Variants in ARID3C observed in about 807,000 individuals in gnomAD.
ARID3C encodes the protein AT-rich interactive domain-containing protein 3C.
Under a neutral mutation model 37.9 loss-of-function variants are expected in ARID3C, and 42 were observed. The ratio of observed to expected loss-of-function variants is 1.11; its 90% CI spans 0.87 to 1.43. The LOEUF is 1.43. ARID3C is among the 40% of genes most tolerant of loss of function. ARID3C has a pLI of 0.00. For missense variants in ARID3C, 581 were observed against 548.8 expected, an observed-to-expected ratio of 1.06 and a Z score of -0.59; for synonymous variants, 213 against 228.0, an observed-to-expected ratio of 0.93 and a Z score of 0.59.
chr9:34,629,254 G>T (rs1253062022), upstream of ARID3C, among the ~76,000 whole-genome samples: 1 of 152,146 alleles, frequency 6.6e-6, no homozygotes, highest in African/African-American at 2.4e-5. Flanking sequence ...GGGCTCTACC[G>T]CCACCGGACT....
intron 6 of ARID3C, 45 bp downstream of exon 7, chr9:34,621,975 T>C (rs951477531): frequency 1.3e-6 from 2 of 1,576,720 alleles, no homozygotes; most frequent in African/African-American, 2.7e-5. Context: ...CCAGCCTAAA[T>C]ACCCCTGACC....
chr9:34,623,993 G>T, exon 3 of ARID3C: 1 of 1,603,248 alleles, frequency 6.2e-7, no homozygotes. Context: ...GCGAAACAGA[G>T]CGTACAGGTC....
In ARID3C at chr9:34,625,735, C is replaced by T. The variant is rs1358496533; in HGVS notation, c.391+7G>A. 1 of 1,613,782 alleles carries T rather than the reference C, an allele frequency of 6.2e-7. No homozygotes were observed. Among genetic ancestry groups the T allele is most frequent in the Admixed American group, 1.7e-5 (1 of 59,994 alleles). On this transcript the variant is annotated splice_region_variant and intron_variant, in intron 2 of 6. Transcript: ENST00000378909. ...CCAGGGCCCTTCCCCCACATCATGC[C>T]ACTCACCCCTCTTTTGCATGAAGCT...
In ARID3C at chr9:34,625,679, G is replaced by C. The variant is rs139476775; in HGVS notation, c.391+63C>G. 8 of 1,586,184 alleles carry C rather than the reference G, an allele frequency of 5.0e-6. No individual in the cohort carries two copies. The Admixed American group carries it at 1.3e-4, about 27-fold the overall frequency. ...AGGCCTCAGCAGGGAGAACCCAACC[G>C]GGTTTCCTCAAACCTGGTAAGGGGG... On this transcript the variant is annotated intron_variant, in intron 2 of 6. Transcript: ENST00000378909.
At chr9:34,629,764 T>C (rs1388733251), upstream of ARID3C, among the ~76,000 whole-genome samples, 1 of 152,198 alleles carries the variant, frequency 6.6e-6, no homozygotes, top group African/African-American at 2.4e-5. Flanking sequence ...TTTTCTTTTT[T>C]TTCTTTTTTG....
chr9:34,623,663 G>T, exon 4 of ARID3C: 1 of 1,587,156 alleles, frequency 6.3e-7, no homozygotes, highest in Non-Finnish European at 8.6e-7. Context: ...GCTCCCCTGG[G>T]GAGCTGAGCG....
chr9:34,623,479 A>C (rs753551072), exon 4 of ARID3C: 1 of 1,539,140 alleles, frequency 6.5e-7, no homozygotes, highest in Non-Finnish European at 8.7e-7. Context: ...GGCAGGCCGG[A>C]GGTGGAACCC....
In ARID3C at chr9:34,623,730, G is replaced by A. The variant is rs776624949; in HGVS notation, c.576-16C>T. On this transcript the variant is annotated splice_polypyrimidine_tract_variant and intron_variant, in intron 3 of 6. Transcript: ENST00000378909. ...CTTCATGTACCTAGGGGCGGACAGC[G>A]GGCGGTGAGTGTATGGGAGGCTGCA... 10 of 1,514,392 alleles carry A rather than the reference G, an allele frequency of 6.6e-6. No homozygotes were observed. Among genetic ancestry groups the A allele is most frequent in the South Asian group, 1.2e-5 (1 of 80,558 alleles). The allele number at this position is 1,514,392 out of a possible 1,614,324, so 93.8% of individuals were successfully genotyped here. A position where few individuals can be genotyped will look rare whatever the true frequency, so the allele number is the denominator to read the frequency against.
At chr9:34,630,694 C>T (rs1344190307), upstream of ARID3C, among the ~76,000 whole-genome samples, 9 of 152,156 alleles carry the variant, frequency 5.9e-5, no homozygotes, top group South Asian at 1.5e-3. Context: ...CTGCCTCCAG[C>T]CGCCACCCTT....
At chr9:34,623,617 G>C (rs1174077326) in exon 4 of ARID3C, 4 of 1,606,736 alleles carry the variant, frequency 2.5e-6, no homozygotes, top group South Asian at 1.1e-5. Context: ...GCCTGGCGAC[G>C]GCCCTCGCGC....
At chr9:34,627,332 C>T (rs1322979319) in intron 1 of ARID3C, among the ~76,000 whole-genome samples, 1 of 151,996 alleles carries the variant, frequency 6.6e-6, no homozygotes, top group Non-Finnish European at 1.5e-5. Flanking sequence ...ATTGGAATCC[C>T]CAGCCCCTAG....
At chr9:34,629,156 C>T (rs1309710203), upstream of ARID3C, among the ~76,000 whole-genome samples, 2 of 152,194 alleles carry the variant, frequency 1.3e-5, no homozygotes, top group Non-Finnish European at 2.9e-5. Flanking sequence ...CCGCTCTCAG[C>T]TCCCCAACAG....
At chr9:34,622,950 A>C (rs1010538729) in intron 4 of ARID3C, among the ~76,000 whole-genome samples, 2 of 151,966 alleles carry the variant, frequency 1.3e-5, no homozygotes, top group Non-Finnish European at 2.9e-5. Flanking sequence ...GATCGAGACC[A>C]TCCTGGCTAA....
rs556414355 is a variant in ARID3C, at chr9:34,626,375, A to G, written c.319-561T>C. 2.6e-5 allele frequency among the ~76,000 whole-genome samples: 4 copies of G among 152,156 alleles called. No homozygotes were observed. In the South Asian group the frequency reaches 8.3e-4, roughly 32 times the overall value. On this transcript the variant is annotated intron_variant, in intron 1 of 6. Transcript: ENST00000378909. ...GCCCTTCAGCTCATCTTCTGGTCTG[A>G]TTTCCTTTCAGAGGCAGTTAACCTG...
At chr9:34,623,918 C>A (rs1355393534) in exon 3 of ARID3C, 2 of 1,599,974 alleles carry the variant, frequency 1.3e-6, no homozygotes, top group Admixed American at 1.7e-5. Flanking sequence ...GCTGAGGCCG[C>A]GCGTGACTTC....
At position 34,627,251 on chromosome 9, in the gene ARID3C, T is replaced by C. The variant is rs113719274; in HGVS notation, c.318+446A>G. On this transcript the variant is annotated intron_variant, in intron 1 of 6. Coordinates refer to ENST00000378909, the Ensembl canonical transcript of ARID3C. ...TCCAAAGACAGAGGAAGCAACTGGG[T>C]CACCCCCACTGGTCACTGGAATATG... is the stretch of plus-strand genomic sequence containing the variant. 2.6e-5 allele frequency among the ~76,000 whole-genome samples: 4 copies of C among 152,266 alleles called. No homozygotes were observed. The South Asian group carries it at 8.3e-4, about 32-fold the overall frequency.
exon 1 of ARID3C, chr9:34,627,887 C>A (rs747434261): frequency 2.6e-6 from 4 of 1,567,978 alleles, no homozygotes; most frequent in Non-Finnish European, 3.5e-6. Flanking sequence ...CCCCAAGGCC[C>A]CCTCAGGGGC....
exon 4 of ARID3C, chr9:34,623,454 G>A: frequency 6.5e-7 from 1 of 1,533,152 alleles, no homozygotes; most frequent in South Asian, 1.3e-5. Context: ...ACTCAGCTGA[G>A]CGCATGCATG....
exon 1 of ARID3C, chr9:34,627,942 G>A (rs910137901): frequency 6.4e-7 from 1 of 1,552,770 alleles, no homozygotes; most frequent in African/African-American, 1.4e-5. Context: ...GGTGGCAGCA[G>A]CGGGCATGCA....
Sources: allele counts gnomAD v4.1 joint callset (sites outside exome capture counted in the v4.1 genomes callset), GRCh38; gene constraint gnomAD v4.1.1; transcripts MANE v1.5; gene names NCBI Gene and HGNC (gene_info 2026-07-23, HGNC 2026-07-21).